Variants in HDX observed in about 807,000 individuals in gnomAD.
HDX encodes the protein chromosome X open reading frame 43.
HDX carries 19 observed loss-of-function variants against 45.2 expected under a neutral mutation model. That is an observed-to-expected ratio of 0.42 (90% CI 0.29 to 0.62). The LOEUF (loss-of-function observed/expected upper bound fraction) is 0.62. HDX is among the 20% of genes least tolerant of loss of function. The pLI is 0.20. For missense variants in HDX, 532 were observed against 493.9 expected, an observed-to-expected ratio of 1.08 and a Z score of -0.73; for synonymous variants, 188 against 172.8, an observed-to-expected ratio of 1.09 and a Z score of -0.69.
At chrX:84,371,590 A>G (rs1264157773) in intron 5 of HDX, among the ~76,000 whole-genome samples, 1 of 111,720 alleles carries the variant, frequency 9.0e-6, no homozygotes, top group Non-Finnish European at 1.9e-5. Flanking sequence ...GTTCTTTTAG[A>G]TATTATACAT....
At chrX:84,323,259 G>T (rs1188665622) in intron 10 of HDX, among the ~76,000 whole-genome samples, 1 of 110,815 alleles carries the variant, frequency 9.0e-6, no homozygotes, top group African/African-American at 3.3e-5. Flanking sequence ...TAACTTAAAG[G>T]TAATGCCTGC....
intron 6 of HDX, among the ~76,000 whole-genome samples, chrX:84,361,074 CATT>C (rs745711528): frequency 1.4e-3 from 151 of 111,677 alleles, no homozygotes; most frequent in Non-Finnish European, 1.9e-3. Context: ...GGCCAAAACT[CATT>C]ATTATATACC....
At chrX:84,435,485 C>G (rs1482960921) in intron 5 of HDX, among the ~76,000 whole-genome samples, 1 of 109,974 alleles carries the variant, frequency 9.1e-6, no homozygotes, top group Non-Finnish European at 1.9e-5. Context: ...GAGTAGGTTG[C>G]GAAAATTTTC....
chrX:84,393,289 T>C (rs2038484603), intron 5 of HDX, among the ~76,000 whole-genome samples: 1 of 111,830 alleles, frequency 8.9e-6, no homozygotes, highest in African/African-American at 3.2e-5. Context: ...ATGGCTTTTG[T>C]TCTTCATTCT....
rs139375198 is a variant in HDX at position 84,384,681 on chromosome X, T to C, written c.1306-23069A>G. ...TTCAGTCTTATATTTAAATCTTTAA[T>C]ACATCTTGAGTTAATTTTTATATAT... On this transcript the variant is annotated intron_variant, in intron 5 of 10. Transcript: ENST00000373177. Among the ~76,000 whole-genome samples the C allele has an allele frequency of 4.4e-3, 493 of 111,113 alleles. 6 individuals are homozygous for C. Among genetic ancestry groups the C allele is most frequent in the African/African-American group, 0.015 (461 of 30,586 alleles).
chrX:84,467,921 T>C (rs1361144882), intron 4 of HDX, among the ~76,000 whole-genome samples: 1 of 112,171 alleles, frequency 8.9e-6, no homozygotes, highest in African/African-American at 3.2e-5. Flanking sequence ...CCTATAAACA[T>C]TTTTAAATGA....
At chrX:84,437,122 T>G (rs1391642635) in intron 5 of HDX, among the ~76,000 whole-genome samples, 1 of 111,189 alleles carries the variant, frequency 9.0e-6, no homozygotes, top group Non-Finnish European at 1.9e-5. Flanking sequence ...GAAAATGATA[T>G]TCCTTGCAAA....
At chrX:84,401,923 C>T (rs945762385) in intron 5 of HDX, among the ~76,000 whole-genome samples, 11 of 111,695 alleles carry the variant, frequency 9.8e-5, no homozygotes, top group Admixed American at 5.7e-4. Context: ...AAGCCATCAC[C>T]CTGAGCAACT....
chrX:84,402,683 C>G (rs929447546), intron 5 of HDX, among the ~76,000 whole-genome samples: 2 of 111,280 alleles, frequency 1.8e-5, no homozygotes, highest in African/African-American at 6.5e-5. Flanking sequence ...ATTTTCAAAT[C>G]AATTGGGTAA....
rs1410777671 is a variant in HDX, at chrX:84,319,049, A to G, written c.*2840T>C. The G allele has an allele frequency of 9.0e-6, 1 of 111,188 alleles. No individual in the cohort carries two copies. The highest frequency in any genetic ancestry group is 1.9e-5 in the Non-Finnish European group (1 of 52,564). The allele number at this position is 111,188 out of a possible 1,213,427, so 9.2% of individuals were successfully genotyped here. ...CATTTTGGAAGGTAAGTGCTCTTAC[A>G]TACACATTTCTGGCTTAAAAACTGC... On this transcript the variant is annotated 3_prime_UTR_variant, in exon 11 of 11. Coordinates refer to ENST00000373177, the MANE Select transcript of HDX (RefSeq NM_001177479.2).
At chrX:84,430,501 T>A (rs2039478433) in intron 5 of HDX, among the ~76,000 whole-genome samples, 1 of 111,126 alleles carries the variant, frequency 9.0e-6, no homozygotes. Flanking sequence ...ATGTCTCTTC[T>A]ATGAAATGAT....
At chrX:84,412,021 T>A (rs1316861070) in intron 5 of HDX, among the ~76,000 whole-genome samples, 3 of 111,717 alleles carry the variant, frequency 2.7e-5, no homozygotes, top group African/African-American at 9.8e-5. Context: ...CTTGGTAGAT[T>A]TTTATCCATC....
intron 6 of HDX, among the ~76,000 whole-genome samples, chrX:84,346,781 C>A (rs1398984232): frequency 9.0e-6 from 1 of 111,392 alleles, no homozygotes; most frequent in African/African-American, 3.3e-5. Context: ...AACTTTAAAA[C>A]TTTTAGAAGA....
In HDX at chrX:84,385,196, C is replaced by CT. The variant is rs146043472; in HGVS notation, c.1306-23585dup. Among the ~76,000 whole-genome samples, 19 of 29,538 alleles carry CT rather than the reference C, an allele frequency of 6.4e-4. 2 individuals carry two copies. The highest frequency in any genetic ancestry group is 1.9e-3 in the African/African-American group (12 of 6,284). 25.7% of individuals were successfully genotyped at this position (29,538 alleles called of 115,157 possible). ...CATATATTTGTGTCATCTCTGATTT[C>CT]TTTTTTTTTTTTTTTTTTTTTTTTT... On this transcript the variant is annotated intron_variant, in intron 5 of 10. Transcript: ENST00000373177.
chrX:84,347,103 ATG>A (rs1443436564), intron 6 of HDX, among the ~76,000 whole-genome samples: 1 of 76,784 alleles, frequency 1.3e-5, no homozygotes, highest in Admixed American at 2.1e-4. Flanking sequence ...GCTAAAGTAA[ATG>A]TTTTTTTTTC....
At chrX:84,422,182 C>G (rs902772524) in intron 5 of HDX, among the ~76,000 whole-genome samples, 1 of 111,928 alleles carries the variant, frequency 8.9e-6, no homozygotes, top group Non-Finnish European at 1.9e-5. Flanking sequence ...GAAAAAGTAA[C>G]AAGCATCTTC....
Position 84,440,523 on chromosome X carries a change from A to G in HDX, c.1305+9T>C, listed in dbSNP as rs1389950414. 1.7e-6 allele frequency: 2 copies of G among 1,146,836 alleles called. No homozygotes were observed. Among genetic ancestry groups the G allele is most frequent in the Non-Finnish European group, 2.4e-6 (2 of 840,791 alleles). The allele number at this position is 1,146,836 out of a possible 1,213,427, so 94.5% of individuals were successfully genotyped here. ...ACCCATTTGCTGCTTTAAATGAAAG[A>G]TTACTTACTGCTCTTTTTCTAGAAC... On this transcript the variant is annotated intron_variant, in intron 5 of 10. Coordinates refer to ENST00000373177, the MANE Select transcript of HDX (RefSeq NM_001177479.2).
chrX:84,383,166 C>T (rs1310273266), intron 5 of HDX, among the ~76,000 whole-genome samples: 2 of 110,718 alleles, frequency 1.8e-5, no homozygotes, highest in East Asian at 2.8e-4. Context: ...ACCACCAATA[C>T]GGGGTGAAAA....
chrX:84,453,457 AT>A (rs1435114678), intron 4 of HDX, among the ~76,000 whole-genome samples: 11 of 111,688 alleles, frequency 9.8e-5, no homozygotes, highest in Non-Finnish European at 1.7e-4. Context: ...TTGAAAATCA[AT>A]GCTGACCTGT....
Sources: gnomAD v4.1 joint callset for allele counts (sites outside exome capture counted in the v4.1 genomes callset) on GRCh38, gnomAD v4.1.1 for gene constraint, MANE v1.5 for transcripts, NCBI Gene and HGNC (gene_info 2026-07-23, HGNC 2026-07-21) for gene names.